The following TMEM14A variants were observed in gnomAD, a reference collection of about 807,000 sequenced individuals.
TMEM14A encodes the protein transmembrane protein 14A.
Under a neutral mutation model 11.6 loss-of-function variants are expected in TMEM14A, and 8 were observed. The ratio of observed to expected loss-of-function variants is 0.69; its 90% CI spans 0.40 to 1.24. The LOEUF (loss-of-function observed/expected upper bound fraction) is 1.24. Among genes scored for constraint, TMEM14A ranks in the 50% most tolerant of loss-of-function variants. TMEM14A has a pLI of 0.01. For missense variants in TMEM14A, 108 were observed against 121.9 expected, an observed-to-expected ratio of 0.89 and a Z score of 0.54; for synonymous variants, 34 against 45.5, an observed-to-expected ratio of 0.75 and a Z score of 1.02.
At chr6:52,677,844 T>C (rs1304687339) in intron 2 of TMEM14A, among the ~76,000 whole-genome samples, 1 of 152,198 alleles carries the variant, frequency 6.6e-6, no homozygotes, top group African/African-American at 2.4e-5. Flanking sequence ...GTGGCAGTGG[T>C]TGACTTGAAT....
intron 1 of TMEM14A, among the ~76,000 whole-genome samples, chr6:52,676,266 C>T (rs80342610): frequency 0.017 from 2,558 of 152,000 alleles, 69 homozygotes; most frequent in African/African-American, 0.059. Flanking sequence ...CCTCTTTTTT[C>T]CCTTGAGACA....
intron 1 of TMEM14A, among the ~76,000 whole-genome samples, chr6:52,675,523 T>C (rs1769240539): frequency 6.6e-6 from 1 of 152,238 alleles, no homozygotes; most frequent in Non-Finnish European, 1.5e-5. Flanking sequence ...TGGCACGCTA[T>C]CTACTGCATC....
At chr6:52,684,236 C>T in intron 4 of TMEM14A, 71 bp downstream of exon 4, 1 of 1,376,412 alleles carries the variant, frequency 7.3e-7, no homozygotes, top group East Asian at 2.4e-5. Flanking sequence ...TGGGAAACAT[C>T]AATTTTAATT....
At position 52,675,547 on chromosome 6, in the gene TMEM14A, G is replaced by A. The variant is rs552774116; in HGVS notation, c.-16-1540G>A. On this transcript the variant is annotated intron_variant, in intron 1 of 4. Coordinates refer to ENST00000211314, the MANE Select transcript of TMEM14A (RefSeq NM_014051.4). ...ATCTACTGCATCTGAGAGAATTGTG[G>A]GCAGGGTTTCAGTGGAACTTCTCAC... Among the ~76,000 whole-genome samples the A allele has an allele frequency of 6.8e-4, 103 of 152,326 alleles. 1 individual carries two copies. Among genetic ancestry groups the A allele is most frequent in the African/African-American group, 2.4e-3 (100 of 41,576 alleles).
At position 52,672,443 on chromosome 6, in the gene TMEM14A, C is replaced by A. The variant is rs541301367; in HGVS notation, c.-17+1198C>A. Among the ~76,000 whole-genome samples, 14 of 152,222 alleles carry A rather than the reference C, an allele frequency of 9.2e-5. No individual in the cohort carries two copies. The East Asian group carries it at 1.7e-3, about 19-fold the overall frequency. ...CTGATAATGAAAGAACTCTCATAAG[C>A]TTCAGATCTGTATGTAAGGGTGTTT... On this transcript the variant is annotated intron_variant, in intron 1 of 4. Coordinates refer to ENST00000211314, the MANE Select transcript of TMEM14A (RefSeq NM_014051.4).
At chr6:52,678,803 T>C (rs1422843285) in intron 2 of TMEM14A, among the ~76,000 whole-genome samples, 1 of 152,236 alleles carries the variant, frequency 6.6e-6, no homozygotes, top group Admixed American at 6.5e-5. Context: ...CTTGTTTTTT[T>C]CTGCTGCTAC....
At chr6:52,681,270 G>C (rs145845259) in intron 2 of TMEM14A, among the ~76,000 whole-genome samples, 2 of 152,102 alleles carry the variant, frequency 1.3e-5, no homozygotes, top group South Asian at 4.2e-4. Context: ...CTGATTCTTC[G>C]TCTTTCTTGG....
intron 3 of TMEM14A, among the ~76,000 whole-genome samples, chr6:52,682,259 C>A (rs1310878018): frequency 1.3e-5 from 2 of 152,180 alleles, no homozygotes; most frequent in African/African-American, 4.8e-5. Context: ...AAAGAGACAG[C>A]CTTGCATTAT....
chr6:52,680,655 G>GTATATATATATACATATA (rs1561875017), intron 2 of TMEM14A, among the ~76,000 whole-genome samples: 3 of 8,840 alleles, frequency 3.4e-4, no homozygotes, highest in Admixed American at 1.8e-3. Flanking sequence ...ATATATGTGT[G>GTATATATATATACATATA]TGTATATATA....
At chr6:52,680,859 G>GTGTGTGTGTGTGTGT (rs1491512136) in intron 2 of TMEM14A, among the ~76,000 whole-genome samples, 5 of 77,836 alleles carry the variant, frequency 6.4e-5, no homozygotes, top group African/African-American at 1.2e-4. Context: ...TGCTGCTCTG[G>GTGTGTGTGTGTGTGT]TGTGTGTGTG....
intron 3 of TMEM14A, among the ~76,000 whole-genome samples, chr6:52,682,283 CA>C (rs1356921360): frequency 2.6e-5 from 4 of 152,198 alleles, no homozygotes; most frequent in Non-Finnish European, 4.4e-5. Flanking sequence ...ATTTAATTCA[CA>C]AACATCTTTT....
intron 4 of TMEM14A, 30 bp downstream of exon 4, chr6:52,684,195 C>G: frequency 6.3e-7 from 1 of 1,587,338 alleles, no homozygotes; most frequent in Non-Finnish European, 8.6e-7. Flanking sequence ...TCAATACTTT[C>G]CTCTGCTGTT....
At chr6:52,680,691 G>GTGTGTGTATA (rs758417981) in intron 2 of TMEM14A, among the ~76,000 whole-genome samples, 1 of 35,318 alleles carries the variant, frequency 2.8e-5, no homozygotes, top group African/African-American at 7.6e-5. Flanking sequence ...ATACATATAT[G>GTGTGTGTATA]TATATATATA....
intron 2 of TMEM14A, among the ~76,000 whole-genome samples, chr6:52,680,712 T>TATGTATATATATATATACAC (rs1769374693): frequency 2.3e-5 from 3 of 133,078 alleles, no homozygotes; most frequent in Non-Finnish European, 3.2e-5. Context: ...TATACACATA[T>TATGTATATATATATATACAC]ATATATGGCA....
At chr6:52,685,761 T>G (rs932471433) in intron 4 of TMEM14A, among the ~76,000 whole-genome samples, 4 of 152,222 alleles carry the variant, frequency 2.6e-5, no homozygotes, top group Non-Finnish European at 5.9e-5. Context: ...TCCCAAACCT[T>G]TCTCTTATAA....
chr6:52,684,888 A>G (rs546921706), intron 4 of TMEM14A, among the ~76,000 whole-genome samples: 15 of 152,386 alleles, frequency 9.8e-5, no homozygotes, highest in African/African-American at 3.6e-4. Context: ...AAAATTAGGA[A>G]CAACCTAACA....
chr6:52,684,876 G>T (rs1769464079), intron 4 of TMEM14A, among the ~76,000 whole-genome samples: 2 of 152,288 alleles, frequency 1.3e-5, no homozygotes, highest in South Asian at 4.1e-4. Context: ...ACAATAGACT[G>T]AAAAATTAGG....
At chr6:52,675,635 T>C (rs931224452) in intron 1 of TMEM14A, among the ~76,000 whole-genome samples, 4 of 152,246 alleles carry the variant, frequency 2.6e-5, no homozygotes, top group African/African-American at 9.6e-5. Flanking sequence ...TCCATTTAAC[T>C]TCATGCTGGG....
At chr6:52,681,091 T>C (rs947350554) in intron 2 of TMEM14A, among the ~76,000 whole-genome samples, 3 of 151,882 alleles carry the variant, frequency 2.0e-5, no homozygotes, top group African/African-American at 4.8e-5. Flanking sequence ...GAAGCAAGGA[T>C]TGTGTGTGTC....
Sources: allele counts gnomAD v4.1 joint callset (sites outside exome capture counted in the v4.1 genomes callset), GRCh38; gene constraint gnomAD v4.1.1; transcripts MANE v1.5; gene names NCBI Gene and HGNC (gene_info 2026-07-23, HGNC 2026-07-21).